The following SULT1A1 variants were observed in gnomAD, a reference collection of about 807,000 sequenced individuals.
The protein encoded by SULT1A1 is sulfotransferase 1A1.
A neutral mutation model predicts 36.8 loss-of-function variants in SULT1A1; 35 were observed. That is an observed-to-expected ratio of 0.95 (90% CI 0.73 to 1.26). The LOEUF (loss-of-function observed/expected upper bound fraction) is 1.26, where lower values mean the gene tolerates loss of function less well. Ranked by LOEUF, SULT1A1 falls within the 50% of genes most tolerant of loss-of-function variation. SULT1A1 has a pLI of 0.00. For synonymous variants in SULT1A1, 119 were observed against 146.0 expected (o/e 0.82, Z 1.33); for missense variants, 309 against 383.0 (o/e 0.81, Z 1.61).
At chr16:28,621,224 G>C (rs1252892492) in intron 1 of SULT1A1, among the ~76,000 whole-genome samples, 2 of 151,916 alleles carry the variant, frequency 1.3e-5, no homozygotes, top group Non-Finnish European at 2.9e-5. Context: ...GCTCACGTCT[G>C]TGATCCCAGC....
Position 28,609,987 on chromosome 16 carries a change from G to C in SULT1A1, c.-61C>G. On this transcript the variant is annotated 5_prime_UTR_variant, in exon 1 of 8. Transcript: ENST00000314752. ...CCTCGCCCGCAGTGGCTGATTGTGG[G>C]TGTTGTGTGGGGAATGCAGGGTTGT... The C allele has an allele frequency of 7.8e-7, 1 of 1,288,064 alleles. No individual in the cohort carries two copies. The allele number at this position is 1,288,064 out of a possible 1,614,324, so 79.8% of individuals were successfully genotyped here. A position where few individuals can be genotyped will look rare whatever the true frequency, so the allele number is the denominator to read the frequency against.
chr16:28,608,139 C>T, intron 4 of SULT1A1, 152 bp downstream of exon 4: 3 of 1,159,704 alleles, frequency 2.6e-6, no homozygotes, highest in Non-Finnish European at 3.6e-6. Context: ...AGGCACCCGC[C>T]ACCACACCCG....
intron 4 of SULT1A1, chr16:28,608,065 A>G: frequency 4.9e-6 from 3 of 614,386 alleles, no homozygotes; most frequent in Middle Eastern, 4.4e-4. Flanking sequence ...CTGGCTCACC[A>G]CAACCTCCTT....
exon 1 of SULT1A1, chr16:28,623,189 G>C (rs2047692574): frequency 3.2e-6 from 5 of 1,548,182 alleles, no homozygotes; most frequent in Non-Finnish European, 4.4e-6. Flanking sequence ...ACAGCAACTT[G>C]GCCAGCATGG....
chr16:28,620,213 C>T, intron 1 of SULT1A1: 1 of 1,332,572 alleles, frequency 7.5e-7, no homozygotes, highest in Non-Finnish European at 1.1e-6. Context: ...TTTACCATTC[C>T]AAAATGCAAA....
At chr16:28,609,902 G>A (rs1257747843) in intron 1 of SULT1A1, 29 bp downstream of exon 1, 23 of 1,275,702 alleles carry the variant, frequency 1.8e-5, no homozygotes, top group Middle Eastern at 2.3e-4. Flanking sequence ...GGGTGAGGGC[G>A]CCCTGGGCCG....
At chr16:28,621,986 T>A (rs2047665929) in intron 1 of SULT1A1, among the ~76,000 whole-genome samples, 1 of 152,198 alleles carries the variant, frequency 6.6e-6, no homozygotes, top group South Asian at 2.1e-4. Context: ...AATCAGCTCC[T>A]AAATGACCCC....
intron 6 of SULT1A1, among the ~76,000 whole-genome samples, 164 bp from the exon 7 acceptor site, chr16:28,606,400 T>C (rs556821055): frequency 9.2e-5 from 14 of 151,976 alleles, no homozygotes; most frequent in African/African-American, 3.4e-4. Context: ...GTAAAAAGAA[T>C]TGCTGTCTGC....
In SULT1A1 at chr16:28,606,867, G is replaced by C. The variant is rs754289699; in HGVS notation, c.500-12C>G. 6.2e-7 allele frequency: 1 copy of C among 1,612,504 alleles called. No homozygotes were observed. Among genetic ancestry groups the C allele is most frequent in the Non-Finnish European group, 8.5e-7 (1 of 1,178,680 alleles). ...GGATCCGTAGGACACTGGAGAAGCA[G>C]GCAAGGGGTGCCAACACAGGGTTGC... On this transcript the variant is annotated splice_polypyrimidine_tract_variant and intron_variant, in intron 5 of 7. Transcript: ENST00000314752.
chr16:28,609,913 T>C lies in SULT1A1; in HGVS notation c.-5+18A>G. On this transcript the variant is annotated intron_variant, in intron 1 of 7. Transcript: ENST00000314752. ...AGCAGGGTGAGGGCGCCCTGGGCCG[T>C]TCCACTGTGTCACTCACCTGAGCTC... The C allele has an allele frequency of 7.8e-7, 1 of 1,282,538 alleles. No individual in the cohort carries two copies. The highest frequency in any genetic ancestry group is 1.0e-6 in the Non-Finnish European group (1 of 984,980). The allele number at this position is 1,282,538 out of a possible 1,614,324, so 79.4% of individuals were successfully genotyped here.
In SULT1A1 at chr16:28,608,464, A is replaced by G; in HGVS notation, c.274+14T>C. On this transcript the variant is annotated intron_variant, in intron 3 of 7. Transcript: ENST00000314752. ...TTCCTCCACTCCCCTTGCACCCAGGACACACTCACACACCTGAGGGAATCC... is the reference window on the plus strand; with the variant it reads ...TTCCTCCACTCCCCTTGCACCCAGGGCACACTCACACACCTGAGGGAATCC... 6.2e-7 allele frequency: 1 copy of G among 1,612,448 alleles called. No individual in the cohort carries two copies. Among genetic ancestry groups the G allele is most frequent in the South Asian group, 1.1e-5 (1 of 91,024 alleles).
chr16:28,618,111 C>T (rs997985649), intron 2 of SULT1A1, among the ~76,000 whole-genome samples: 13 of 150,282 alleles, frequency 8.7e-5, no homozygotes, highest in African/African-American at 2.7e-4. Context: ...GCAATCACAG[C>T]TTATTGCAGC....
intron 2 of SULT1A1, among the ~76,000 whole-genome samples, chr16:28,618,339 CTTTTTTTTT>C (rs546277570): frequency 8.3e-5 from 6 of 72,398 alleles, no homozygotes; most frequent in African/African-American, 2.2e-4. Flanking sequence ...ACTTCCCGCT[CTTTTTTTTT>C]TTTTTTTTTT....
rs1819028962 is a variant in SULT1A1 at position 28,606,625 on chromosome 16, G to A, written c.594+136C>T. On this transcript the variant is annotated intron_variant, in intron 6 of 7. Coordinates refer to ENST00000314752, the MANE Select transcript of SULT1A1 (RefSeq NM_001055.4). ...GGTGGGGCCTTAGTGGGGAGGCCTG[G>A]GCCAAGAAGGCAGGATGGGGAATCT... The A allele has an allele frequency of 6.4e-6, 9 of 1,396,974 alleles. 1 individual carries two copies. In the South Asian group the frequency reaches 9.6e-5, roughly 15 times the overall value. 86.5% of individuals were successfully genotyped at this position (1,396,974 alleles called of 1,614,324 possible).
At chr16:28,610,264 G>GGTT (rs2047398505), upstream of SULT1A1, 19 of 349,478 alleles carry the variant, frequency 5.4e-5, no homozygotes, top group East Asian at 3.6e-4. Context: ...TTTTTTTTCT[G>GGTT]TTTTTTTTTT....
intron 4 of SULT1A1, chr16:28,607,310 A>T: frequency 2.7e-6 from 2 of 739,258 alleles, no homozygotes; most frequent in Non-Finnish European, 4.2e-6. Flanking sequence ...AATGCGTCAC[A>T]CCCCAATCTG....
intron 2 of SULT1A1, among the ~76,000 whole-genome samples, chr16:28,618,356 T>TTTTA: frequency 7.2e-6 from 1 of 139,548 alleles, no homozygotes; most frequent in South Asian, 2.5e-4. Flanking sequence ...TTTTTTTTTT[T>TTTTA]TTTTTTTGAG....
chr16:28,615,746 G>A (rs187414312), intron 2 of SULT1A1, among the ~76,000 whole-genome samples: 1 of 152,342 alleles, frequency 6.6e-6, no homozygotes, highest in East Asian at 1.9e-4. Flanking sequence ...AAGGGTCAGG[G>A]TAAAGAATGT....
At chr16:28,616,877 C>G (rs1297964972) in intron 2 of SULT1A1, among the ~76,000 whole-genome samples, 1 of 152,202 alleles carries the variant, frequency 6.6e-6, no homozygotes, top group Non-Finnish European at 1.5e-5. Context: ...AACAAATACT[C>G]TGTGAACACC....
Sources: gnomAD v4.1 joint callset for allele counts (sites outside exome capture counted in the v4.1 genomes callset) on GRCh38, gnomAD v4.1.1 for gene constraint, MANE v1.5 for transcripts, NCBI Gene and HGNC (gene_info 2026-07-23, HGNC 2026-07-21) for gene names.